The following LAMA3 variants were observed in gnomAD, a reference collection of about 807,000 sequenced individuals.
The protein encoded by LAMA3 is laminin subunit alpha 3.
Under a neutral mutation model 402.0 loss-of-function variants are expected in LAMA3, and 281 were observed. That is an observed-to-expected ratio of 0.70 (90% CI 0.63 to 0.77). The LOEUF is 0.77. Ranked by LOEUF, LAMA3 falls within the 30% of genes least tolerant of loss-of-function variation. LAMA3 has a pLI of 0.00. For missense variants in LAMA3, 3,840 were observed against 4,215.5 expected, an observed-to-expected ratio of 0.91 and a Z score of 2.47; for synonymous variants, 1,431 against 1,558.4, an observed-to-expected ratio of 0.92 and a Z score of 1.93.
rs1484753997 is a variant in LAMA3, at chr18:23,842,732, A to G, written c.3585A>G (p.Glu1195=). 1 of 1,614,230 alleles carries G rather than the reference A, an allele frequency of 6.2e-7. No homozygotes were observed. Among genetic ancestry groups the G allele is most frequent in the East Asian group, 2.2e-5 (1 of 44,880 alleles). The change falls in exon 29 of 75, where the codon GAA becomes GAG. Residue 1195 remains glutamate, a synonymous_variant. Coordinates refer to ENST00000313654, the MANE Select transcript of LAMA3 (RefSeq NM_198129.4). ...PEVAATVKVP[E]GKSLVLVRVL... ...TGGCCGCAACTGTGAAGGTTCCAGA[A>G]GGAAAGTCCTTGGTTTTGGTGCGTT...
At chr18:23,949,552 T>C (rs553608456) in intron 70 of LAMA3, among the ~76,000 whole-genome samples, 1 of 152,250 alleles carries the variant, frequency 6.6e-6, no homozygotes, top group South Asian at 2.1e-4. Flanking sequence ...ACCCAACATC[T>C]GGTATACAGG....
At position 23,943,845 on chromosome 18, in the gene LAMA3, G is replaced by T. The variant is rs376536240; in HGVS notation, c.9084G>T (p.Thr3028=). Residue 3028 remains threonine (T), a synonymous_variant, in exon 69 of 75, where the codon ACG becomes ACT. Transcript: ENST00000313654. ...CCTCCAGAGGACTGGTGTTTCACACGGGCACTAAGAACTCCTTTATGGCTC... is the reference window on the plus strand; with the variant it reads ...CCTCCAGAGGACTGGTGTTTCACACTGGCACTAAGAACTCCTTTATGGCTC... ...TTSSRGLVFH[T]GTKNSFMALY... The T allele has an allele frequency of 6.2e-7, 1 of 1,613,808 alleles. No homozygotes were observed. Among genetic ancestry groups the T allele is most frequent in the East Asian group, 2.2e-5 (1 of 44,904 alleles).
chr18:23,947,834 C>T (rs1306275574), intron 70 of LAMA3, among the ~76,000 whole-genome samples: 12 of 133,498 alleles, frequency 9.0e-5, no homozygotes, highest in African/African-American at 2.8e-4. Flanking sequence ...TTTTTTGAGA[C>T]GGAGTCTTGC....
At chr18:23,827,264 G>A in intron 22 of LAMA3, 50 bp from the exon 23 acceptor site, 1 of 1,591,662 alleles carries the variant, frequency 6.3e-7, no homozygotes, top group Non-Finnish European at 8.6e-7. Flanking sequence ...TATTCCGTTT[G>A]ATGTTCTCAG....
intron 41 of LAMA3, among the ~76,000 whole-genome samples, chr18:23,885,436 C>T (rs1568298245): frequency 6.7e-6 from 1 of 149,970 alleles, no homozygotes; most frequent in African/African-American, 2.5e-5. Context: ...ATCCCTGGTT[C>T]CAAGAATGGT....
chr18:23,951,355 CATTAATT>C (rs1382441323), intron 72 of LAMA3, among the ~76,000 whole-genome samples: 1 of 151,722 alleles, frequency 6.6e-6, no homozygotes, highest in Non-Finnish European at 1.5e-5. Flanking sequence ...CACTGTCACG[CATTAATT>C]GCTAAGGAGG....
At chr18:23,922,963 T>C (rs2081891425) in intron 62 of LAMA3, among the ~76,000 whole-genome samples, 1 of 151,962 alleles carries the variant, frequency 6.6e-6, no homozygotes, top group South Asian at 2.1e-4. Context: ...ACGTGTGCCA[T>C]AGGAGGAAGC....
intron 2 of LAMA3, among the ~76,000 whole-genome samples, chr18:23,726,146 G>A (rs1469558826): frequency 1.3e-5 from 2 of 152,210 alleles, no homozygotes; most frequent in African/African-American, 4.8e-5. Flanking sequence ...GGTGAGTGGG[G>A]CAAGGAAGCC....
intron 11 of LAMA3, 153 bp downstream of exon 11, chr18:23,777,772 C>CGGGG: frequency 1.4e-6 from 1 of 708,980 alleles, no homozygotes; most frequent in Non-Finnish European, 2.6e-6. Flanking sequence ...ACCTACTCCC[C>CGGGG]ACCCATCAGT....
chr18:23,871,567 G>A lies in LAMA3; in HGVS notation c.4904G>A (p.Gly1635Glu). 2 of 1,614,192 alleles carry A rather than the reference G, an allele frequency of 1.2e-6. No individual in the cohort carries two copies. Among genetic ancestry groups the A allele is most frequent in the Non-Finnish European group, 1.7e-6 (2 of 1,180,024 alleles). The change falls in exon 38 of 75, where the codon GGG becomes GAG. Residue 1635 changes from glycine (G) to glutamate (E), a missense_variant. Coordinates refer to ENST00000313654, the MANE Select transcript of LAMA3 (RefSeq NM_198129.4). The stretch of plus-strand genomic sequence containing the variant: ...CAAAGGCTCACCCTGAGCGAGGTGG[G>A]GCTAGAGGAAGCCTCTGACACAGGA... The part of the protein sequence containing the change: ...ETQRLTLSEV[G>E]LEEASDTGSG...
At chr18:23,860,725 G>A (rs1343965924) in intron 34 of LAMA3, among the ~76,000 whole-genome samples, 70 of 134,728 alleles carry the variant, frequency 5.2e-4, no homozygotes, top group African/African-American at 1.9e-3. Context: ...ATGGAGTGTC[G>A]CTCTGTCACC....
At chr18:23,954,173 G>A (rs113357702) in intron 74 of LAMA3, among the ~76,000 whole-genome samples, 5,862 of 152,060 alleles carry the variant, frequency 0.039, 131 homozygotes, top group Middle Eastern at 0.14. Flanking sequence ...AGGCTGAGGC[G>A]GGAGGATCAC....
chr18:23,884,289 A>G (rs1020229588), intron 40 of LAMA3, among the ~76,000 whole-genome samples: 2 of 152,168 alleles, frequency 1.3e-5, no homozygotes, highest in Admixed American at 1.3e-4. Flanking sequence ...GTCTCTGTGC[A>G]TCTTTAGGGG....
rs1271231230 is a variant in LAMA3, at chr18:23,753,741, C to T, written c.876C>T (p.Asp292=). The T allele has an allele frequency of 6.2e-7, 1 of 1,613,588 alleles. No homozygotes were observed. The change falls in exon 6 of 75, where the codon GAC becomes GAT. Residue 292 remains aspartate, a synonymous_variant. Transcript: ENST00000313654. ...VTRRYYYSIK[D]ISIGGQCVCN... is the part of the protein sequence containing the mutation. The stretch of plus-strand genomic sequence containing the variant: ...TGCAGTATTATTACAGCATAAAGGA[C>T]ATCAGCATTGGTGGGCAGTGTGTTT...
At chr18:23,853,776 G>C (rs1185062346) in intron 32 of LAMA3, among the ~76,000 whole-genome samples, 1 of 152,190 alleles carries the variant, frequency 6.6e-6, no homozygotes, top group Non-Finnish European at 1.5e-5. Context: ...TGGTAGGGCT[G>C]TTCCTTGGGT....
intron 34 of LAMA3, 133 bp from the exon 35 acceptor site, chr18:23,861,513 A>T (rs2144739874): frequency 2.2e-6 from 2 of 917,092 alleles, no homozygotes; most frequent in South Asian, 2.8e-5. Flanking sequence ...CAGGTGCAGG[A>T]GTAGACGCAT....
intron 1 of LAMA3, among the ~76,000 whole-genome samples, chr18:23,701,618 T>C (rs535760460): frequency 1.6e-4 from 24 of 152,314 alleles, no homozygotes; most frequent in East Asian, 1.3e-3. Flanking sequence ...TCTAGGTTTA[T>C]AGTAGTGAGC....
At chr18:23,936,807 C>A (rs2082325651) in intron 67 of LAMA3, among the ~76,000 whole-genome samples, 2 of 152,210 alleles carry the variant, frequency 1.3e-5, no homozygotes, top group South Asian at 4.2e-4. Context: ...GGCCCGAGAG[C>A]CTGGTGAACA....
intron 2 of LAMA3, among the ~76,000 whole-genome samples, chr18:23,736,780 A>G (rs1183590732): frequency 1.3e-5 from 2 of 152,104 alleles, no homozygotes; most frequent in African/African-American, 4.8e-5. Context: ...AGACAAAGGG[A>G]TGAGAGATTA....
Sources: allele counts gnomAD v4.1 joint callset (sites outside exome capture counted in the v4.1 genomes callset), GRCh38; gene constraint gnomAD v4.1.1; transcripts MANE v1.5; gene names NCBI Gene and HGNC (gene_info 2026-07-23, HGNC 2026-07-21).